Variants in BRD4 observed in about 807,000 individuals in gnomAD.
The protein encoded by BRD4 is bromodomain containing 4.
Under a neutral mutation model 142.1 loss-of-function variants are expected in BRD4, and 16 were observed. The ratio of observed to expected loss-of-function variants is 0.11; its 90% confidence interval spans 0.08 to 0.17. The LOEUF is 0.17. BRD4 is among the 10% of genes least tolerant of loss of function. The probability of loss-of-function intolerance (pLI) is 1.00; values close to 1 mark genes in which losing one functional copy is unlikely to be tolerated. For synonymous variants in BRD4, 833 were observed against 707.5 expected (o/e 1.18, Z -2.82); for missense variants, 1,424 against 1,810.9 (o/e 0.79, Z 3.88).
chr19:15,280,421 T>A, intron 1 of BRD4: 1 of 1,015,122 alleles, frequency 9.9e-7, no homozygotes, highest in Non-Finnish European at 1.2e-6. Flanking sequence ...GGGTCTTAAG[T>A]CAGACTTCTA....
At position 15,286,296 on chromosome 19, in the gene BRD4, C is replaced by G. The variant is rs761946460; in HGVS notation, c.-34-13163G>C. On this transcript the variant is annotated intron_variant, in intron 1 of 19. Transcript: ENST00000679869. ...AGCCAACACAGTGCTGCAGCAAGAC[C>G]ATAATCAGGCACCGTGGTACTCACA... Among the ~76,000 whole-genome samples, 6 of 152,168 alleles carry G rather than the reference C, an allele frequency of 3.9e-5. 1 individual carries two copies. Among genetic ancestry groups the G allele is most frequent in the Non-Finnish European group, 7.4e-5 (5 of 68,024 alleles).
In BRD4 at chr19:15,242,947, T is replaced by C. The variant is rs1270641642; in HGVS notation, c.3122A>G (p.Gln1041Arg). The C allele has an allele frequency of 6.5e-7, 1 of 1,547,532 alleles. No individual in the cohort carries two copies. Among genetic ancestry groups the C allele is most frequent in the East Asian group, 2.5e-5 (1 of 39,680 alleles). The change falls in exon 14 of 20, where the codon CAG (glutamine) becomes CGG (arginine). Residue 1041 changes from glutamine to arginine, a missense_variant. Gln to Arg is a conservative substitution (Grantham distance 43). Coordinates refer to ENST00000679869, the MANE Select transcript of BRD4 (RefSeq NM_001379291.1). ...PQPAKPQQVI[Q>R]HHHSPRHHKS... ...GTGGTGCCGGGGTGAATGGTGGTGC[T>C]GGATGACTTGCTGAGGCTTGGCAGG... is the stretch of plus-strand genomic sequence containing the variant.
chr19:15,300,157 A>G (rs745716829), intron 1 of BRD4, among the ~76,000 whole-genome samples: 5 of 152,092 alleles, frequency 3.3e-5, no homozygotes, highest in South Asian at 2.1e-4. Context: ...AGGAGGGAGG[A>G]CCGCTTGAAC....
intron 11 of BRD4, among the ~76,000 whole-genome samples, chr19:15,250,751 G>A (rs542707813): frequency 2.0e-5 from 3 of 152,320 alleles, no homozygotes; most frequent in Admixed American, 1.3e-4. Flanking sequence ...GGAAGAACCA[G>A]ATGTCAGCTA....
At chr19:15,329,296 A>C (rs1042872916) in intron 1 of BRD4, among the ~76,000 whole-genome samples, 17 of 152,202 alleles carry the variant, frequency 1.1e-4, no homozygotes, top group Admixed American at 1.3e-4. Context: ...ACATAAAGAC[A>C]AACATGGTCT....
intron 1 of BRD4, among the ~76,000 whole-genome samples, chr19:15,308,872 G>A (rs948841965): frequency 7.3e-5 from 11 of 151,024 alleles, no homozygotes; most frequent in African/African-American, 1.2e-4. Context: ...AAAATTAGCC[G>A]GGCATGGTGG....
In BRD4 at chr19:15,239,160, G is replaced by A. The variant is rs148010154; in HGVS notation, c.3681C>T (p.Phe1227=). The change falls in exon 18 of 20, where the codon TTC becomes TTT. Residue 1227 remains phenylalanine (F), a synonymous_variant. Coordinates refer to ENST00000679869, the MANE Select transcript of BRD4 (RefSeq NM_001379291.1). The surrounding 1 kb of genome is among the most constrained non-coding windows in gnomAD (Gnocchi z 7.4). ...CCTCTTTCTCCCGAGCGGCGCGGCG[G>A]AACTGCTCGAAGCTGTCGCTGGATG... is the stretch of plus-strand genomic sequence containing the variant. ...AKSSSDSFEQ[F]RRAAREKEER... is the part of the protein sequence containing the mutation. The A allele has an allele frequency of 4.4e-3, 7,078 of 1,612,748 alleles. 18 individuals are homozygous for A. Among genetic ancestry groups the A allele is most frequent in the Non-Finnish European group, 5.2e-3 (6,144 of 1,179,982 alleles).
At position 15,265,658 on chromosome 19, in the gene BRD4, A is replaced by G. The variant is rs1488901128; in HGVS notation, c.560-15T>C. 1 of 1,613,914 alleles carries G rather than the reference A, an allele frequency of 6.2e-7. No individual in the cohort carries two copies. The highest frequency in any genetic ancestry group is 8.5e-7 in the Non-Finnish European group (1 of 1,179,954). Reference sequence around the variant, plus strand: ...TTTTGCTGTCCCTACAAATCATAATAAGACGGCGAGTTAGAGACCATGCTG... The same window carrying G: ...TTTTGCTGTCCCTACAAATCATAATGAGACGGCGAGTTAGAGACCATGCTG... On this transcript the variant is annotated splice_polypyrimidine_tract_variant and intron_variant, in intron 4 of 19. Coordinates refer to ENST00000679869, the MANE Select transcript of BRD4 (RefSeq NM_001379291.1).
chr19:15,326,179 G>A (rs912769045), intron 1 of BRD4, among the ~76,000 whole-genome samples: 35 of 145,980 alleles, frequency 2.4e-4, no homozygotes, highest in Admixed American at 2.0e-3. Flanking sequence ...AAAAAAGGCC[G>A]GGCGCTGTGG....
At chr19:15,287,326 A>G (rs550848255) in intron 1 of BRD4, among the ~76,000 whole-genome samples, 48 of 152,224 alleles carry the variant, frequency 3.2e-4, no homozygotes, top group African/African-American at 1.2e-3. Context: ...TACCACTTTA[A>G]CCATTTTTTA....
At chr19:15,251,854 G>C (rs891141702) in intron 11 of BRD4, among the ~76,000 whole-genome samples, 4 of 152,198 alleles carry the variant, frequency 2.6e-5, no homozygotes, top group Admixed American at 2.6e-4. Context: ...AGACAAAAGG[G>C]AGCCAGGCAA....
chr19:15,267,868 T>C (rs189722798), intron 3 of BRD4, among the ~76,000 whole-genome samples: 183 of 152,342 alleles, frequency 1.2e-3, no homozygotes, highest in African/African-American at 4.0e-3. Context: ...GGGCCCTCCT[T>C]TGACACAATT....
At position 15,330,553 on chromosome 19, in the gene BRD4, G is replaced by A. The variant is rs533100831; in HGVS notation, c.-35+1737C>T. ...AGCCGAGGAGGATGGAACACCTGAGGTCAGGAGTTCGAGACCAGCCTGGCC... is the reference window on the plus strand; with the variant it reads ...AGCCGAGGAGGATGGAACACCTGAGATCAGGAGTTCGAGACCAGCCTGGCC... On this transcript the variant is annotated intron_variant, in intron 1 of 19. Transcript: ENST00000679869. Among the ~76,000 whole-genome samples the A allele has an allele frequency of 1.1e-4, 16 of 152,300 alleles. No individual in the cohort carries two copies. The East Asian group carries it at 2.1e-3, about 20-fold the overall frequency.
chr19:15,292,796 AAAAAAAAAAAAAAAAAAAAG>A (rs1258776838), intron 1 of BRD4, among the ~76,000 whole-genome samples: 6 of 136,542 alleles, frequency 4.4e-5, no homozygotes, highest in Non-Finnish European at 7.8e-5. Flanking sequence ...AAAAAAAAAA[AAAAAAAAAAAAAAAAAAAAG>A]AAAGAAAGAA....
chr19:15,253,651 T>A (rs745305804), intron 11 of BRD4: 1 of 1,597,860 alleles, frequency 6.3e-7, no homozygotes, highest in South Asian at 1.1e-5. Context: ...AGACTGGCGA[T>A]GCGGCTGGCC....
intron 3 of BRD4, among the ~76,000 whole-genome samples, chr19:15,267,886 A>C (rs1245532201): frequency 6.6e-6 from 1 of 152,132 alleles, no homozygotes; most frequent in Non-Finnish European, 1.5e-5. Context: ...ATTCAATTTC[A>C]CCAGAAATAC....
At chr19:15,275,994 C>CA (rs1310189508) in intron 1 of BRD4, among the ~76,000 whole-genome samples, 1 of 151,852 alleles carries the variant, frequency 6.6e-6, no homozygotes, top group Non-Finnish European at 1.5e-5. Flanking sequence ...AACTCCATCT[C>CA]AAAAAAAGAA....
intron 1 of BRD4, among the ~76,000 whole-genome samples, chr19:15,279,778 T>C (rs1190477746): frequency 6.6e-6 from 1 of 152,198 alleles, no homozygotes; most frequent in African/African-American, 2.4e-5. Context: ...AACCAATGGG[T>C]TGGGACCAGC....
At position 15,323,178 on chromosome 19, in the gene BRD4, T is replaced by TTA. The variant is rs1555748003; in HGVS notation, c.-35+9111_-35+9112insTA. Among the ~76,000 whole-genome samples the TTA allele has an allele frequency of 4.4e-3, 319 of 73,072 alleles. 5 individuals carry two copies. The highest frequency in any genetic ancestry group is 0.019 in the African/African-American group (306 of 16,526). The allele number at this position is 73,072 out of a possible 152,430, so 47.9% of individuals were successfully genotyped here. A position where few individuals can be genotyped will look rare whatever the true frequency, so the allele number is the denominator to read the frequency against. ...GCAACACAGCAAGACTCCATCTCTTTAAAAAAAAAAAAAAAAAAAAAAAAA... is the reference window on the plus strand; with the variant it reads ...GCAACACAGCAAGACTCCATCTCTTTTAAAAAAAAAAAAAAAAAAAAAAAAAA... On this transcript the variant is annotated intron_variant, in intron 1 of 19. Coordinates refer to ENST00000679869, the MANE Select transcript of BRD4 (RefSeq NM_001379291.1).
Sources: gnomAD v4.1 joint callset for allele counts (sites outside exome capture counted in the v4.1 genomes callset) on GRCh38, gnomAD v4.1.1 for gene constraint, Gnocchi (gnomAD v3.1) non-coding constraint, MANE v1.5 for transcripts, NCBI Gene and HGNC (gene_info 2026-07-23, HGNC 2026-07-21) for gene names.